Variants in PCNX2 observed in about 807,000 individuals in gnomAD.
PCNX2 encodes pecanex-like protein 2.
A neutral mutation model predicts 223.8 loss-of-function variants in PCNX2; 168 were observed. The observed-to-expected ratio is 0.75, with a 90% CI of 0.66 to 0.85. The LOEUF (loss-of-function observed/expected upper bound fraction) is 0.85. Among genes scored for constraint, PCNX2 ranks in the 40% least tolerant of loss-of-function variants. PCNX2 has a pLI of 0.00. For missense variants in PCNX2, 2,507 were observed against 2,675.5 expected (o/e 0.94, Z 1.39); for synonymous variants, 1,006 against 1,052.6 (o/e 0.96, Z 0.86).
rs755494781 is a variant in PCNX2 at position 233,258,816 on chromosome 1, G to T, written c.1046C>A (p.Ser349Tyr). 6.2e-6 allele frequency: 10 copies of T among 1,613,782 alleles called. No homozygotes were observed. The South Asian group carries it at 9.9e-5, about 16-fold the overall frequency. The change falls in exon 5 of 34, where the codon TCC becomes TAC. Residue 349 changes from serine to tyrosine, a missense_variant. Transcript: ENST00000258229. ...GDLPLHQEVD[S>Y]SDSEVAVTLI... is the part of the protein sequence containing the mutation. ...AGTAACAGCTACCTCACTATCTGAG[G>T]AGTCCACTTCCTGGTGCAAGGGCAG...
upstream of PCNX2, among the ~76,000 whole-genome samples, chr1:233,297,278 C>T (rs1016124759): frequency 6.6e-6 from 1 of 152,194 alleles, no homozygotes; most frequent in Non-Finnish European, 1.5e-5. Flanking sequence ...TACTCAACAC[C>T]TTCTGGGTGT....
intron 26 of PCNX2, among the ~76,000 whole-genome samples, chr1:233,017,896 T>C (rs1039057772): frequency 6.6e-5 from 10 of 152,212 alleles, no homozygotes; most frequent in African/African-American, 1.9e-4. Context: ...TCTGACGGGG[T>C]TGCTGTAGGC....
chr1:233,215,270 A>T (rs1198863371), intron 12 of PCNX2, among the ~76,000 whole-genome samples: 2 of 152,252 alleles, frequency 1.3e-5, no homozygotes, highest in African/African-American at 4.8e-5. Context: ...TATAGCTACC[A>T]TATTTTGTTT....
At chr1:233,099,929 TG>T (rs1674388043) in intron 21 of PCNX2, among the ~76,000 whole-genome samples, 1 of 152,224 alleles carries the variant, frequency 6.6e-6, no homozygotes. Flanking sequence ...GCTATGAACT[TG>T]CATCTCCTTA....
rs79551642 is a variant in PCNX2 at position 233,020,068 on chromosome 1, C to T, written c.4606-2914G>A. 9.3e-3 allele frequency among the ~76,000 whole-genome samples: 1,412 copies of T among 152,242 alleles called. 26 individuals carry two copies. Among genetic ancestry groups the T allele is most frequent in the African/African-American group, 0.031 (1,300 of 41,534 alleles). ...ACAAAGACTGAAAGACAAAAGTTTA[C>T]GTTTTCATTCATTGCTAGGGAGGAA... On this transcript the variant is annotated intron_variant, in intron 26 of 33. Coordinates refer to ENST00000258229, the MANE Select transcript of PCNX2 (RefSeq NM_014801.4).
intron 27 of PCNX2, 139 bp from the exon 28 acceptor site, chr1:233,014,916 G>T: frequency 1.9e-6 from 1 of 532,538 alleles, no homozygotes; most frequent in Non-Finnish European, 3.3e-6. Context: ...CCCACAGACA[G>T]GGAATGCTCA....
At chr1:233,042,969 T>C (rs958373307) in intron 25 of PCNX2, among the ~76,000 whole-genome samples, 3 of 152,172 alleles carry the variant, frequency 2.0e-5, no homozygotes, top group African/African-American at 7.2e-5. Context: ...GAGACAGCCA[T>C]GCGGGTTTGA....
chr1:233,202,563 C>T (rs551745365), intron 13 of PCNX2, among the ~76,000 whole-genome samples: 58 of 152,158 alleles, frequency 3.8e-4, no homozygotes, highest in African/African-American at 1.4e-3. Context: ...CTTCAATGTG[C>T]CCTATCTGTG....
At chr1:233,172,360 A>C (rs991799759) in intron 17 of PCNX2, 1 of 985,304 alleles carries the variant, frequency 1.0e-6, no homozygotes, top group African/African-American at 1.7e-5. Flanking sequence ...ACCACGTTAA[A>C]TGTCTTCATA....
intron 24 of PCNX2, among the ~76,000 whole-genome samples, chr1:233,056,354 A>T (rs1450396351): frequency 6.6e-6 from 1 of 152,244 alleles, no homozygotes; most frequent in Non-Finnish European, 1.5e-5. Flanking sequence ...TTTTTAGAAC[A>T]CATTGACCAC....
At position 232,986,433 on chromosome 1, in the gene PCNX2, G is replaced by A. The variant is rs1669487121; in HGVS notation, c.5899C>T (p.Leu1967Phe). 1 of 1,607,292 alleles carries A rather than the reference G, an allele frequency of 6.2e-7. No homozygotes were observed. The highest frequency in any genetic ancestry group is 1.7e-5 in the Admixed American group (1 of 59,286). The change falls in exon 33 of 34, where the codon CTC becomes TTC. Residue 1967 changes from leucine (L) to phenylalanine (F), a missense_variant. Leu to Phe is a conservative substitution (Grantham distance 22). Transcript: ENST00000258229. ...GPILESRQTF[L>F]QTSTSVHELA... The stretch of plus-strand genomic sequence containing the variant: ...TCGTGCACTGAGGTGGACGTCTGGA[G>A]GAATGTTTGGCGGCTCTCTAAGATG...
intron 1 of PCNX2, among the ~76,000 whole-genome samples, chr1:233,286,982 T>TA (rs1661485516): frequency 1.3e-5 from 2 of 152,236 alleles, no homozygotes; most frequent in African/African-American, 4.8e-5. Context: ...ATTTTGTTGC[T>TA]AAAAGCCATC....
chr1:233,177,993 CAAA>C, intron 16 of PCNX2, 95 bp from the exon 17 acceptor site: 1 of 848,330 alleles, frequency 1.2e-6, no homozygotes, highest in Non-Finnish European at 1.9e-6. Flanking sequence ...CCACACATGA[CAAA>C]AACAAGTGCT....
chr1:233,244,672 A>G (rs1003909292), intron 8 of PCNX2, among the ~76,000 whole-genome samples: 1 of 150,522 alleles, frequency 6.6e-6, no homozygotes. Flanking sequence ...GATCACATCA[A>G]TGCACTCCAG....
At chr1:233,278,773 T>C (rs1218515233) in intron 1 of PCNX2, among the ~76,000 whole-genome samples, 1 of 152,156 alleles carries the variant, frequency 6.6e-6, no homozygotes. Flanking sequence ...GTTGCTAACA[T>C]ACCATCTACT....
At chr1:233,191,315 C>T (rs1369849925) in intron 15 of PCNX2, among the ~76,000 whole-genome samples, 1 of 152,152 alleles carries the variant, frequency 6.6e-6, no homozygotes, top group African/African-American at 2.4e-5. Context: ...TCACAGAATA[C>T]GAACGTTTCA....
chr1:233,302,170 A>G, the PCNX2 span, among the ~76,000 whole-genome samples: 14 of 152,224 alleles, frequency 9.2e-5, no homozygotes, highest in Admixed American at 9.2e-4. Context: ...CAGCAGGCCT[A>G]GAGAATAACC....
At chr1:233,020,255 C>T (rs3766480) in intron 26 of PCNX2, among the ~76,000 whole-genome samples, 1,737 of 152,318 alleles carry the variant, frequency 0.011, 98 homozygotes, top group Admixed American at 0.091. Flanking sequence ...ACCGACACTT[C>T]TCACTGGGAG....
chr1:233,227,972 T>C lies in PCNX2; in HGVS notation c.2359-601A>G, dbSNP rs372617117. On this transcript the variant is annotated intron_variant, in intron 9 of 33. Transcript: ENST00000258229. ...TTAGCTCTAATTCAGTGGAAAAGAA[T>C]TCAATTTTGAAAAAAAAAAATTAGT... Among the ~76,000 whole-genome samples, 10 of 152,004 alleles carry C rather than the reference T, an allele frequency of 6.6e-5. No homozygotes were observed. The East Asian group carries it at 1.9e-3, about 29-fold the overall frequency.
Sources: gnomAD v4.1 joint callset for allele counts (sites outside exome capture counted in the v4.1 genomes callset) on GRCh38, gnomAD v4.1.1 for gene constraint, MANE v1.5 for transcripts, NCBI Gene and HGNC (gene_info 2026-07-23, HGNC 2026-07-21) for gene names.